Variants in PRKCE observed in about 807,000 individuals in gnomAD.
The protein encoded by PRKCE is protein kinase C epsilon type.
A neutral mutation model predicts 85.4 loss-of-function variants in PRKCE; 16 were observed. The ratio of observed to expected loss-of-function variants is 0.19; its 90% CI spans 0.13 to 0.28. PRKCE has a LOEUF of 0.28. Ranked by LOEUF, PRKCE falls within the 10% of genes least tolerant of loss-of-function variation. The pLI, the probability that PRKCE is intolerant of heterozygous loss-of-function variation, is 1.00. For missense variants in PRKCE, 573 were observed against 975.2 expected (o/e 0.59, Z 5.49); for synonymous variants, 388 against 371.5 (o/e 1.04, Z -0.51).
intron 14 of PRKCE, among the ~76,000 whole-genome samples, chr2:46,176,413 A>G (rs1679439875): frequency 6.6e-6 from 1 of 152,022 alleles, no homozygotes; most frequent in South Asian, 2.1e-4. Flanking sequence ...ATTGGAAATG[A>G]TGGGATAGAG....
In PRKCE at chr2:46,004,749, GC is replaced by G. The variant is rs1439628871; in HGVS notation, c.1063+114del. 6.5e-6 allele frequency: 6 copies of G among 920,958 alleles called. No individual in the cohort carries two copies. The African/African-American group carries it at 9.9e-5, about 15-fold the overall frequency. The allele number at this position is 920,958 out of a possible 1,614,324, so 57.0% of individuals were successfully genotyped here. A position where few individuals can be genotyped will look rare whatever the true frequency, so the allele number is the denominator to read the frequency against. The stretch of plus-strand genomic sequence containing the variant: ...AGCTTGTTAGCTGAAATAGCTAGCA[GC>G]CCTGGTGGGTTTTCACACACCCGTT... On this transcript the variant is annotated intron_variant, in intron 8 of 14. Transcript: ENST00000306156. This position sits in a 1 kb window ranked among gnomAD's most constrained non-coding sequence, Gnocchi z 4.1.
At chr2:45,912,579 A>C (rs1345019311) in intron 2 of PRKCE, among the ~76,000 whole-genome samples, 1 of 152,148 alleles carries the variant, frequency 6.6e-6, no homozygotes, top group Non-Finnish European at 1.5e-5. Flanking sequence ...AGCTCCTGGC[A>C]GTTGAAATAA....
chr2:46,010,727 G>A (rs1243549728), intron 10 of PRKCE: 1 of 1,598,440 alleles, frequency 6.3e-7, no homozygotes, highest in South Asian at 1.1e-5. Flanking sequence ...GAAGGGATGA[G>A]AGAGCTGTAG....
chr2:45,783,475 G>A (rs1278841382), intron 1 of PRKCE, among the ~76,000 whole-genome samples: 1 of 152,222 alleles, frequency 6.6e-6, no homozygotes, highest in Non-Finnish European at 1.5e-5. Context: ...GGAGTCTCAG[G>A]TCAGGAACTG....
chr2:46,057,846 G>T (rs985745614), intron 10 of PRKCE, among the ~76,000 whole-genome samples: 2 of 152,180 alleles, frequency 1.3e-5, no homozygotes, highest in African/African-American at 4.8e-5. Flanking sequence ...CCAAGCTGTT[G>T]TGAGGATCAG....
chr2:45,814,889 G>A (rs1431855191), intron 1 of PRKCE, among the ~76,000 whole-genome samples: 1 of 152,186 alleles, frequency 6.6e-6, no homozygotes, highest in African/African-American at 2.4e-5. Context: ...GACCCAAGAA[G>A]GGTCCCGTGC....
chr2:45,839,569 T>A (rs1271132918), intron 1 of PRKCE, among the ~76,000 whole-genome samples: 1 of 152,214 alleles, frequency 6.6e-6, no homozygotes, highest in Non-Finnish European at 1.5e-5. Flanking sequence ...GCGAGTCTGC[T>A]TTTGTGTCAC....
At chr2:46,111,017 G>A (rs2104220736) in intron 11 of PRKCE, among the ~76,000 whole-genome samples, 1 of 152,102 alleles carries the variant, frequency 6.6e-6, no homozygotes, top group East Asian at 1.9e-4. Flanking sequence ...TTTTTCTCCT[G>A]TTGATTTCTG....
At chr2:45,947,669 G>A (rs1324844066) in intron 2 of PRKCE, among the ~76,000 whole-genome samples, 1 of 152,174 alleles carries the variant, frequency 6.6e-6, no homozygotes, top group Non-Finnish European at 1.5e-5. Context: ...GCTGTTTTCA[G>A]TTGTCTATAG....
chr2:45,862,054 T>A (rs1414314952), intron 2 of PRKCE, among the ~76,000 whole-genome samples: 1 of 152,154 alleles, frequency 6.6e-6, no homozygotes, highest in Non-Finnish European at 1.5e-5. Flanking sequence ...AAGGGACTTA[T>A]GCTCCCCACG....
chr2:46,120,531 G>A (rs1673206025), intron 11 of PRKCE, among the ~76,000 whole-genome samples: 1 of 152,164 alleles, frequency 6.6e-6, no homozygotes, highest in Admixed American at 6.5e-5. Flanking sequence ...TGAGCTAACA[G>A]GTCTCTTGTT....
chr2:46,016,469 A>G (rs1199256742), intron 10 of PRKCE, among the ~76,000 whole-genome samples: 1 of 152,202 alleles, frequency 6.6e-6, no homozygotes, highest in Non-Finnish European at 1.5e-5. Flanking sequence ...TCTGTGTGAT[A>G]AAGGAAAAGT....
intron 2 of PRKCE, among the ~76,000 whole-genome samples, chr2:45,959,309 T>G (rs1162653644): frequency 2.6e-5 from 4 of 152,094 alleles, no homozygotes; most frequent in Non-Finnish European, 4.4e-5. Flanking sequence ...ACTGCAATGT[T>G]TTTCTCAGGC....
intron 2 of PRKCE, among the ~76,000 whole-genome samples, chr2:45,922,458 G>C (rs1302565209): frequency 6.6e-6 from 1 of 152,178 alleles, no homozygotes; most frequent in East Asian, 1.9e-4. Flanking sequence ...AACTGCTTCA[G>C]AGTTTCCATG....
rs13400928 is a variant in PRKCE at position 45,653,370 on chromosome 2, G to T, written c.348+922G>T. On this transcript the variant is annotated intron_variant, in intron 1 of 14. Transcript: ENST00000306156. ...TGCTTTTTGTGTTTGTTTTTGGGTT[G>T]TTTTTTTTTTTTTTTTTTTTTTTTT... Among the ~76,000 whole-genome samples, 194 of 61,474 alleles carry T rather than the reference G, an allele frequency of 3.2e-3. 1 individual carries two copies. Among genetic ancestry groups the T allele is most frequent in the South Asian group, 0.011 (10 of 876 alleles). The allele number at this position is 61,474 out of a possible 152,430, so 40.3% of individuals were successfully genotyped here.
intron 14 of PRKCE, among the ~76,000 whole-genome samples, chr2:46,175,666 T>C (rs1280220313): frequency 6.6e-6 from 1 of 152,224 alleles, no homozygotes; most frequent in African/African-American, 2.4e-5. Flanking sequence ...GCCACTAAGC[T>C]ACCTCTCACA....
chr2:46,129,006 G>A (rs1674143927), intron 11 of PRKCE, among the ~76,000 whole-genome samples: 1 of 152,156 alleles, frequency 6.6e-6, no homozygotes, highest in African/African-American at 2.4e-5. Context: ...TAGACACTGG[G>A]TGGTTAAGAG....
intron 2 of PRKCE, among the ~76,000 whole-genome samples, chr2:45,954,755 T>C (rs756479904): frequency 2.0e-5 from 3 of 152,220 alleles, no homozygotes; most frequent in Non-Finnish European, 4.4e-5. Context: ...CATGCTCTTG[T>C]AGGCCCTTTA....
rs758509962 is a variant in PRKCE at position 46,010,439 on chromosome 2, A to T, written c.1359A>T (p.Thr453=). 3 of 1,599,708 alleles carry T rather than the reference A, an allele frequency of 1.9e-6. No homozygotes were observed. The highest frequency in any genetic ancestry group is 4.5e-5 in the East Asian group (2 of 44,880). The change falls in exon 10 of 15, where the codon ACA becomes ACT. Residue 453 remains threonine (T), a synonymous_variant. Coordinates refer to ENST00000306156, the MANE Select transcript of PRKCE (RefSeq NM_005400.3). ...VILQDDDVDC[T]MTEKRILALA... is the part of the protein sequence containing the mutation. ...TTCAGGATGATGACGTGGACTGCAC[A>T]ATGACAGAGAAGAGGATTTTGGCTC...
Sources: gnomAD v4.1 joint callset for allele counts (sites outside exome capture counted in the v4.1 genomes callset) on GRCh38, gnomAD v4.1.1 for gene constraint, Gnocchi (gnomAD v3.1) non-coding constraint, MANE v1.5 for transcripts, NCBI Gene and HGNC (gene_info 2026-07-23, HGNC 2026-07-21) for gene names.